The following PKHD1L1 variants were observed in gnomAD, a reference collection of about 807,000 sequenced individuals.
PKHD1L1 encodes the protein fibrocystin-L.
Under a neutral mutation model 462.9 loss-of-function variants are expected in PKHD1L1, and 434 were observed. That is an observed-to-expected ratio of 0.94 (90% CI 0.87 to 1.02). PKHD1L1 has a LOEUF of 1.02. PKHD1L1 is among the 50% of genes least tolerant of loss of function. The probability of loss-of-function intolerance (pLI) is 0.00; values close to 1 mark genes in which losing one functional copy is unlikely to be tolerated. For synonymous variants in PKHD1L1, 1,781 were observed against 1,750.0 expected (o/e 1.02, Z -0.44); for missense variants, 5,202 against 5,096.1 (o/e 1.02, Z -0.63).
rs1312665016 is a variant in PKHD1L1, at chr8:109,529,741, TG to T, written c.12722-337del. On this transcript the variant is annotated intron_variant, in intron 77 of 77. Transcript: ENST00000378402. ...ATATAAGAAATTTAAACACCATTAA[TG>T]GATTAAAATGCTGGGTTCTTTAATA... Among the ~76,000 whole-genome samples, 7 of 152,240 alleles carry T rather than the reference TG, an allele frequency of 4.6e-5. No individual in the cohort carries two copies. The East Asian group carries it at 1.3e-3, about 29-fold the overall frequency.
chr8:109,420,806 G>A (rs549463921), intron 23 of PKHD1L1, 116 bp downstream of exon 23: 2 of 772,620 alleles, frequency 2.6e-6, no homozygotes, highest in East Asian at 3.3e-5. Flanking sequence ...CTATTCTAAG[G>A]TTATATGAAG....
At chr8:109,411,933 T>C (rs371519314) in intron 19 of PKHD1L1, among the ~76,000 whole-genome samples, 17 of 152,030 alleles carry the variant, frequency 1.1e-4, no homozygotes, top group African/African-American at 4.1e-4. Flanking sequence ...TCCTGAAGAT[T>C]AAACAGCAAA....
At chr8:109,388,633 C>T in intron 7 of PKHD1L1, 83 bp downstream of exon 7, 2 of 896,134 alleles carry the variant, frequency 2.2e-6, no homozygotes, top group Non-Finnish European at 3.5e-6. Flanking sequence ...GCTACCAATA[C>T]TGCATAGCTA....
Position 109,444,745 on chromosome 8 carries a change from G to A in PKHD1L1, c.4876G>A (p.Asp1626Asn). The A allele has an allele frequency of 6.2e-7, 1 of 1,613,964 alleles. No homozygotes were observed. The highest frequency in any genetic ancestry group is 1.3e-5 in the African/African-American group (1 of 75,028). ...TCATATTGACCCTCAAAACTCAATG[G>A]ATGTTGGTATCAGGGAAACTGTCAC... Reference protein sequence around the residue: ...TCHIDPQNSMDVGIRETVTLT... With the variant: ...TCHIDPQNSMNVGIRETVTLT... The change falls in exon 38 of 78, where the codon GAT becomes AAT. Residue 1626 changes from aspartate to asparagine, a missense_variant. Physicochemically the swap from Asp to Asn is conservative, Grantham distance 23. This residue lies in a region of PKHD1L1 where 4,497 missense variants were observed against 4,336.8 expected (regional missense o/e 1.04). Transcript: ENST00000378402.
chr8:109,391,570 A>G (rs569370846), intron 9 of PKHD1L1, among the ~76,000 whole-genome samples: 4 of 152,332 alleles, frequency 2.6e-5, no homozygotes, highest in African/African-American at 4.8e-5. Context: ...CCAAGATGTC[A>G]TAGTGTCTCC....
chr8:109,535,401 G>C lies in PKHD1L1; in HGVS notation c.*5311G>C, dbSNP rs1296192752. Among the ~76,000 whole-genome samples, 10 of 152,128 alleles carry C rather than the reference G, an allele frequency of 6.6e-5. No individual in the cohort carries two copies. The highest frequency in any genetic ancestry group is 6.5e-4 in the Admixed American group (10 of 15,278). On this transcript the variant is annotated 3_prime_UTR_variant, in exon 78 of 78. Coordinates refer to ENST00000378402, the MANE Select transcript of PKHD1L1 (RefSeq NM_177531.6). ...CATCAAAAATTTCTAGTATGATTAT[G>C]AGTTCAATTTTCAAGTGAAAGTAAT...
chr8:109,439,602 A>C (rs1390196370), intron 32 of PKHD1L1, among the ~76,000 whole-genome samples: 1 of 152,160 alleles, frequency 6.6e-6, no homozygotes, highest in Non-Finnish European at 1.5e-5. Flanking sequence ...AAGTTCTCTG[A>C]AAAGCTGACA....
chr8:109,464,065 G>A (rs1294658483), intron 48 of PKHD1L1, 151 bp from the exon 49 acceptor site: 3 of 425,670 alleles, frequency 7.0e-6, no homozygotes, highest in Non-Finnish European at 1.0e-5. Flanking sequence ...TGGGTTGGGG[G>A]TTCAATAACA....
intron 43 of PKHD1L1, 120 bp downstream of exon 43, chr8:109,452,994 T>C (rs1366518585): frequency 8.5e-6 from 7 of 826,000 alleles, no homozygotes; most frequent in Admixed American, 4.3e-5. Flanking sequence ...ATATACAGTG[T>C]AGTCCTGGGC....
At chr8:109,452,102 A>G (rs758445759) in intron 41 of PKHD1L1, 22 bp from the exon 42 acceptor site, 2 of 1,600,964 alleles carry the variant, frequency 1.2e-6, no homozygotes, top group Non-Finnish European at 1.7e-6. Flanking sequence ...CATACATGTT[A>G]TGTTTTCCCT....
intron 52 of PKHD1L1, among the ~76,000 whole-genome samples, 160 bp downstream of exon 52, chr8:109,476,827 A>G (rs1252879507): frequency 1.3e-5 from 2 of 152,178 alleles, no homozygotes; most frequent in African/African-American, 4.8e-5. Context: ...TATTCTTGAA[A>G]AGGTTTTGAG....
Position 109,406,374 on chromosome 8 carries a change from C to G in PKHD1L1, c.1709C>G (p.Ser570Ter), listed in dbSNP as rs1312303051. 5 of 1,559,582 alleles carry G rather than the reference C, an allele frequency of 3.2e-6. No individual in the cohort carries two copies. Among genetic ancestry groups the G allele is most frequent in the Non-Finnish European group, 4.3e-6 (5 of 1,150,872 alleles). Residue 570 changes from serine (S) to a stop codon, truncating the protein, a stop_gained, in exon 17 of 78, where the codon TCA becomes TGA. Transcript: ENST00000378402. LOFTEE classifies it high-confidence loss of function. ...GATGCTTCTGAATTCATACTGCAAT[C>G]AGCCTTGAATGACCTCTGGTCTATA... ...PADASEFILQ[S>*]ALNDLWSIKP...
At chr8:109,429,842 C>A in intron 26 of PKHD1L1, 90 bp from the exon 27 acceptor site, 1 of 871,606 alleles carries the variant, frequency 1.1e-6, no homozygotes, top group Non-Finnish European at 1.8e-6. Flanking sequence ...AGCAAACCAA[C>A]AAAATTCCAT....
intron 45 of PKHD1L1, 73 bp from the exon 46 acceptor site, chr8:109,456,189 T>C: frequency 6.8e-7 from 1 of 1,462,546 alleles, no homozygotes; most frequent in Non-Finnish European, 9.1e-7. Flanking sequence ...TAGGAAAAGA[T>C]TAAAATGTAT....
intron 39 of PKHD1L1, among the ~76,000 whole-genome samples, chr8:109,449,001 TATAA>T (rs1242844454): frequency 6.6e-6 from 1 of 152,130 alleles, no homozygotes; most frequent in African/African-American, 2.4e-5. Context: ...CTTGAGAAAG[TATAA>T]ATAAACCAAT....
intron 21 of PKHD1L1, 59 bp from the exon 22 acceptor site, chr8:109,419,038 G>A (rs1814324222): frequency 2.2e-6 from 3 of 1,387,800 alleles, no homozygotes; most frequent in African/African-American, 2.9e-5. Flanking sequence ...GCTTTCTAAA[G>A]TGTATTTGCT....
At chr8:109,510,479 T>C (rs534485161) in intron 70 of PKHD1L1, among the ~76,000 whole-genome samples, 1 of 152,270 alleles carries the variant, frequency 6.6e-6, no homozygotes, top group Admixed American at 6.5e-5. Flanking sequence ...AAATCTACTA[T>C]TTCTATCAGT....
At chr8:109,465,979 A>G (rs933779171) in intron 49 of PKHD1L1, among the ~76,000 whole-genome samples, 1 of 152,210 alleles carries the variant, frequency 6.6e-6, no homozygotes, top group Non-Finnish European at 1.5e-5. Flanking sequence ...TGTGCCTCAT[A>G]CTTTGTGAGT....
rs552265043 is a variant in PKHD1L1 at position 109,415,864 on chromosome 8, GGTGTGTGTGTGT to G, written c.2360+2350_2360+2361del. 9.1e-4 allele frequency among the ~76,000 whole-genome samples: 91 copies of G among 100,418 alleles called. 1 individual carries two copies. The highest frequency in any genetic ancestry group is 2.9e-3 in the African/African-American group (84 of 28,762). 65.9% of individuals were successfully genotyped at this position (100,418 alleles called of 152,430 possible). A position where few individuals can be genotyped will look rare whatever the true frequency, so the allele number is the denominator to read the frequency against. On this transcript the variant is annotated intron_variant, in intron 21 of 77. Coordinates refer to ENST00000378402, the MANE Select transcript of PKHD1L1 (RefSeq NM_177531.6). ...CCTTGTCTTAAAAAAAAAAAAAAGGGGTGTGTGTGTGTGTGTGTGTGTGTGTGTGTGTGTGTG... is the reference window on the plus strand; with the variant it reads ...CCTTGTCTTAAAAAAAAAAAAAAGGGGTGTGTGTGTGTGTGTGTGTGTGTG...
Sources: gnomAD v4.1 joint callset for allele counts (sites outside exome capture counted in the v4.1 genomes callset) on GRCh38, gnomAD v4.1.1 for gene constraint, gnomAD v4.1.1 regional missense constraint, MANE v1.5 for transcripts, NCBI Gene and HGNC (gene_info 2026-07-23, HGNC 2026-07-21) for gene names.